Variants in PARD3B observed in about 807,000 individuals in gnomAD.
PARD3B encodes the protein partitioning defective 3 homolog B.
PARD3B carries 103 observed loss-of-function variants against 130.2 expected under a neutral mutation model. That is an observed-to-expected ratio of 0.79 (90% CI 0.67 to 0.93). The LOEUF is 0.93. Among genes scored for constraint, PARD3B ranks in the 40% least tolerant of loss-of-function variants. PARD3B has a pLI of 0.00. For missense variants in PARD3B, 1,609 were observed against 1,499.2 expected, an observed-to-expected ratio of 1.07 and a Z score of -1.21; for synonymous variants, 583 against 553.2, an observed-to-expected ratio of 1.05 and a Z score of -0.76.
intron 2 of PARD3B, among the ~76,000 whole-genome samples, chr2:204,711,926 G>T (rs2038457650): frequency 6.6e-6 from 1 of 152,178 alleles, no homozygotes; most frequent in African/African-American, 2.4e-5. Flanking sequence ...TCTGTAGTTG[G>T]AAATGGAAGA....
At chr2:205,391,280 G>C (rs918899485) in intron 18 of PARD3B, among the ~76,000 whole-genome samples, 4 of 152,268 alleles carry the variant, frequency 2.6e-5, no homozygotes, top group Non-Finnish European at 5.9e-5. Flanking sequence ...TGCGAAGGCA[G>C]TATCTGGCTA....
At position 204,907,595 on chromosome 2, in the gene PARD3B, G is replaced by A. The variant is rs2047082641; in HGVS notation, c.223-57557G>A. On this transcript the variant is annotated intron_variant, in intron 2 of 22. Transcript: ENST00000406610. The surrounding 1 kb of genome is among the most constrained non-coding windows in gnomAD (Gnocchi z 5.7). The stretch of plus-strand genomic sequence containing the variant: ...AAGCCTTAGTTTCATGGAATTCGGA[G>A]TTTGATCAGTGTTTGGTCATAAAAT... Among the ~76,000 whole-genome samples, 1 of 152,056 alleles carries A rather than the reference G, an allele frequency of 6.6e-6. No homozygotes were observed. Among genetic ancestry groups the A allele is most frequent in the African/African-American group, 2.4e-5 (1 of 41,398 alleles).
chr2:205,079,238 A>G (rs1701256034), intron 4 of PARD3B, among the ~76,000 whole-genome samples: 1 of 152,226 alleles, frequency 6.6e-6, no homozygotes, highest in African/African-American at 2.4e-5. Context: ...AAATTACTTT[A>G]TCTCAAAAAG....
Position 205,054,404 on chromosome 2 carries a change from T to TATATATATATATATATA in PARD3B, c.504+6714_504+6715insATATATATATATATATA, listed in dbSNP as rs1699451825. Among the ~76,000 whole-genome samples the TATATATATATATATATA allele has an allele frequency of 1.8e-4, 6 of 33,830 alleles. 1 individual carries two copies. Among genetic ancestry groups the TATATATATATATATATA allele is most frequent in the East Asian group, 1.1e-3 (1 of 932 alleles). 22.2% of individuals were successfully genotyped at this position (33,830 alleles called of 152,430 possible). ...TAACAAGGTAACCATGACATGTCTTTTATATATATATATATATATATATAT... is the reference window on the plus strand; with the variant it reads ...TAACAAGGTAACCATGACATGTCTTTATATATATATATATATATATATATATATATATATATATATAT... On this transcript the variant is annotated intron_variant, in intron 4 of 22. Transcript: ENST00000406610.
Position 205,269,520 on chromosome 2 carries a change from T to C in PARD3B, c.2185+23698T>C, listed in dbSNP as rs2040637509. Among the ~76,000 whole-genome samples the C allele has an allele frequency of 6.6e-6, 1 of 152,108 alleles. No individual in the cohort carries two copies. Among genetic ancestry groups the C allele is most frequent in the African/African-American group, 2.4e-5 (1 of 41,416 alleles). ...TATTCAGGAATTTATATTCAGGAAT[T>C]TCACTGATTTTTTTTTAAAGTTCCT... On this transcript the variant is annotated intron_variant, in intron 16 of 22. Coordinates refer to ENST00000406610, the MANE Select transcript of PARD3B (RefSeq NM_001302769.2). This position sits in a 1 kb window ranked among gnomAD's most constrained non-coding sequence, Gnocchi z 4.7.
At chr2:205,090,935 T>C (rs1243509468) in intron 4 of PARD3B, among the ~76,000 whole-genome samples, 1 of 152,200 alleles carries the variant, frequency 6.6e-6, no homozygotes, top group Non-Finnish European at 1.5e-5. Flanking sequence ...TTTCATTGCA[T>C]AGGATTTTGG....
Position 205,105,478 on chromosome 2 carries a change from A to G in PARD3B, c.593+964A>G, listed in dbSNP as rs559583643. The stretch of plus-strand genomic sequence containing the variant: ...TTCATGCAGTTGACGTATTCCTTTC[A>G]TTTAGTCCAAACAATTAACATGAAA... On this transcript the variant is annotated intron_variant, in intron 5 of 22. Transcript: ENST00000406610. The surrounding 1 kb of genome is among the most constrained non-coding windows in gnomAD (Gnocchi z 4.0). Among the ~76,000 whole-genome samples, 8 of 152,316 alleles carry G rather than the reference A, an allele frequency of 5.3e-5. No individual in the cohort carries two copies. The South Asian group carries it at 1.7e-3, about 32-fold the overall frequency.
intron 6 of PARD3B, 54 bp downstream of exon 6, chr2:205,113,631 G>C: frequency 7.2e-7 from 1 of 1,383,436 alleles, no homozygotes; most frequent in Non-Finnish European, 1.0e-6. Flanking sequence ...CCTGATTTGA[G>C]CTCCTTTTCC....
rs750551470 is a variant in PARD3B, at chr2:205,585,039, G to A, written c.3261-30417G>A. Among the ~76,000 whole-genome samples, 2 of 152,124 alleles carry A rather than the reference G, an allele frequency of 1.3e-5. No homozygotes were observed. The highest frequency in any genetic ancestry group is 2.1e-4 in the South Asian group (1 of 4,822). ...CAGGCACCACTCATTGTGCACACCCGCTGATTATGGGCAGAAAATGGCACC... is the reference window on the plus strand; with the variant it reads ...CAGGCACCACTCATTGTGCACACCCACTGATTATGGGCAGAAAATGGCACC... On this transcript the variant is annotated intron_variant, in intron 22 of 22. Coordinates refer to ENST00000406610, the MANE Select transcript of PARD3B (RefSeq NM_001302769.2). This position sits in a 1 kb window ranked among gnomAD's most constrained non-coding sequence, Gnocchi z 5.4.
In PARD3B at chr2:205,592,279, A is replaced by G. The variant is rs1243763291; in HGVS notation, c.3261-23177A>G. Among the ~76,000 whole-genome samples, 2 of 152,194 alleles carry G rather than the reference A, an allele frequency of 1.3e-5. No homozygotes were observed. Among genetic ancestry groups the G allele is most frequent in the African/African-American group, 4.8e-5 (2 of 41,458 alleles). ...GCGTAACATCAAGGTTGACTTGTTCATTGGAATTGCTGTACGCCTTGGGAG... is the reference window on the plus strand; with the variant it reads ...GCGTAACATCAAGGTTGACTTGTTCGTTGGAATTGCTGTACGCCTTGGGAG... On this transcript the variant is annotated intron_variant, in intron 22 of 22. Coordinates refer to ENST00000406610, the MANE Select transcript of PARD3B (RefSeq NM_001302769.2). The surrounding 1 kb of genome is among the most constrained non-coding windows in gnomAD (Gnocchi z 4.5).
At chr2:204,662,988 C>T (rs1192022670) in intron 1 of PARD3B, among the ~76,000 whole-genome samples, 1 of 152,182 alleles carries the variant, frequency 6.6e-6, no homozygotes, top group African/African-American at 2.4e-5. Context: ...CATACTGTAA[C>T]CCCATTATAC....
intron 2 of PARD3B, among the ~76,000 whole-genome samples, chr2:204,956,948 C>T (rs1690290507): frequency 6.6e-6 from 1 of 152,092 alleles, no homozygotes; most frequent in Admixed American, 6.6e-5. Flanking sequence ...TCATGGATGC[C>T]ACTTGACCTC....
chr2:204,893,377 G>T, intron 2 of PARD3B, among the ~76,000 whole-genome samples: 1 of 152,242 alleles, frequency 6.6e-6, no homozygotes, highest in East Asian at 1.9e-4. Context: ...AAATGAGAAA[G>T]TGCTTGGAGG....
At chr2:204,614,944 A>G (rs2034055964) in intron 1 of PARD3B, among the ~76,000 whole-genome samples, 1 of 152,172 alleles carries the variant, frequency 6.6e-6, no homozygotes, top group Admixed American at 6.6e-5. Flanking sequence ...CTTTATAGCA[A>G]TGCAAGAACG....
rs187349938 is a variant in PARD3B at position 205,124,472 on chromosome 2, A to G, written c.1305+6A>G. The G allele has an allele frequency of 3.1e-3, 4,846 of 1,575,894 alleles. 12 individuals carry two copies. The highest frequency in any genetic ancestry group is 3.5e-3 in the Non-Finnish European group (4,046 of 1,160,992). On this transcript the variant is annotated splice_donor_region_variant and intron_variant, in intron 9 of 22. Transcript: ENST00000406610. Reference sequence around the variant, plus strand: ...CAGGGGACAGAATTTTGGAGGTAAGAATTGGAATTAATAGTTGTATGAAAA... The same window carrying G: ...CAGGGGACAGAATTTTGGAGGTAAGGATTGGAATTAATAGTTGTATGAAAA...
chr2:204,986,388 C>T (rs1693159490), intron 3 of PARD3B, among the ~76,000 whole-genome samples: 1 of 152,160 alleles, frequency 6.6e-6, no homozygotes, highest in Non-Finnish European at 1.5e-5. Flanking sequence ...CATATCAACC[C>T]TAAACTGTGA....
chr2:204,776,646 A>G (rs1261231649), intron 2 of PARD3B, among the ~76,000 whole-genome samples: 3 of 151,644 alleles, frequency 2.0e-5, no homozygotes, highest in Non-Finnish European at 4.4e-5. Flanking sequence ...CCTTTTGTAT[A>G]ATAAAACTTG....
chr2:204,654,395 G>A lies in PARD3B; in HGVS notation c.121-31786G>A, dbSNP rs566816162. The stretch of plus-strand genomic sequence containing the variant: ...TGGGTGAATAGTTGCTTCTATTCCC[G>A]TGTATTCCTCACTGAGCTTTCTTGA... On this transcript the variant is annotated intron_variant, in intron 1 of 22. Coordinates refer to ENST00000406610, the MANE Select transcript of PARD3B (RefSeq NM_001302769.2). Among the ~76,000 whole-genome samples the A allele has an allele frequency of 8.0e-5, 12 of 150,838 alleles. No individual in the cohort carries two copies. The South Asian group carries it at 1.7e-3, about 21-fold the overall frequency.
chr2:205,447,439 A>G lies in PARD3B; in HGVS notation c.3044+6767A>G, dbSNP rs138938993. Among the ~76,000 whole-genome samples the G allele has an allele frequency of 9.9e-3, 1,512 of 152,286 alleles. 23 individuals are homozygous for G. The highest frequency in any genetic ancestry group is 0.034 in the African/African-American group (1,396 of 41,550). On this transcript the variant is annotated intron_variant, in intron 20 of 22. Coordinates refer to ENST00000406610, the MANE Select transcript of PARD3B (RefSeq NM_001302769.2). ...GTTGCCCAGGCTGGAGTGCAATGGC[A>G]CGATCTTGGCTCACTGCAACCTCCA...
Sources: allele counts gnomAD v4.1 joint callset (sites outside exome capture counted in the v4.1 genomes callset), GRCh38; gene constraint gnomAD v4.1.1; non-coding constraint Gnocchi (gnomAD v3.1); transcripts MANE v1.5; gene names NCBI Gene and HGNC (gene_info 2026-07-23, HGNC 2026-07-21).